Variants in DEXI observed in about 807,000 individuals in gnomAD.
DEXI encodes the protein dexamethasone-induced protein.
In DEXI, 2 loss-of-function variants were observed where a neutral mutation model predicts 2.5. The ratio of observed to expected loss-of-function variants is 0.81; its 90% CI spans 0.33 to 2.55. The LOEUF is 2.55. Among genes scored for constraint, DEXI ranks in the 30% most tolerant of loss-of-function variants. DEXI has a pLI of 0.11. For synonymous variants in DEXI, 71 were observed against 68.7 expected (o/e 1.03, Z -0.17); for missense variants, 108 against 130.3 (o/e 0.83, Z 0.83).
intron 1 of DEXI, chr16:10,935,894 G>C (rs750725662): frequency 6.6e-6 from 1 of 152,134 alleles, no homozygotes; most frequent in Non-Finnish European, 1.5e-5. Flanking sequence ...GATCCAGACT[G>C]AAGAAGGCTC....
chr16:10,941,742 G>A lies in DEXI; in HGVS notation c.264C>T (p.Asp88=), dbSNP rs775119065. 1.6e-5 allele frequency: 25 copies of A among 1,611,566 alleles called. No individual in the cohort carries two copies. Among genetic ancestry groups the A allele is most frequent in the Non-Finnish European group, 2.0e-5 (24 of 1,178,754 alleles). Residue 88 remains aspartate (D), a synonymous_variant, in exon 1 of 2, where the codon GAC becomes GAT. Coordinates refer to ENST00000331808, the MANE Select transcript of DEXI (RefSeq NM_014015.4). This position sits in a 1 kb window ranked among gnomAD's most constrained non-coding sequence, Gnocchi z 6.4. ...SGLYDADSEL[D]VFDAYLE ...CCTACTCCAAGTACGCATCAAAGAC[G>A]TCGAGCTCCGAGTCAGCATCGTAAA...
intron 1 of DEXI, chr16:10,936,573 T>C (rs1336797060): frequency 6.6e-6 from 1 of 152,268 alleles, no homozygotes; most frequent in Non-Finnish European, 1.5e-5. Context: ...GCAACTTTTC[T>C]GTAAGTGTGA....
At chr16:10,930,555 G>A (rs183784128) in intron 1 of DEXI, 127 of 152,354 alleles carry the variant, frequency 8.3e-4, no homozygotes, top group African/African-American at 3.0e-3. Context: ...AATAGGATAA[G>A]AAATTGAGGT....
chr16:10,929,292 G>C lies in DEXI; in HGVS notation c.*417C>G, dbSNP rs2040671708. ...CCTCTCCGAAGGTGAAGTGGGGGAA[G>C]CAGGTGCGCTCCGGGATGAAGTGCA... is the stretch of plus-strand genomic sequence containing the variant. On this transcript the variant is annotated 3_prime_UTR_variant, in exon 2 of 2. Transcript: ENST00000331808. The surrounding 1 kb of genome is among the most constrained non-coding windows in gnomAD (Gnocchi z 4.3). The C allele has an allele frequency of 2.0e-6, 2 of 985,860 alleles. No homozygotes were observed. Among genetic ancestry groups the C allele is most frequent in the South Asian group, 4.7e-5 (1 of 21,296 alleles). The allele number at this position is 985,860 out of a possible 1,614,324, so 61.1% of individuals were successfully genotyped here. A position where few individuals can be genotyped will look rare whatever the true frequency, so the allele number is the denominator to read the frequency against.
rs1395041642 is a variant in DEXI at position 10,938,714 on chromosome 16, G to C, written c.*149+2855C>G. On this transcript the variant is annotated intron_variant, in intron 1 of 1. Coordinates refer to ENST00000331808, the MANE Select transcript of DEXI (RefSeq NM_014015.4). The surrounding 1 kb of genome is among the most constrained non-coding windows in gnomAD (Gnocchi z 4.9). Reference sequence around the variant, plus strand: ...GGCTTGGATTTGAGGGTGGGGAGGAGGGAAGGCTGTGCATGGCTTCCACCA... The same window carrying C: ...GGCTTGGATTTGAGGGTGGGGAGGACGGAAGGCTGTGCATGGCTTCCACCA... 1.3e-5 allele frequency: 2 copies of C among 152,234 alleles called. No homozygotes were observed. Among genetic ancestry groups the C allele is most frequent in the Admixed American group, 6.5e-5 (1 of 15,284 alleles). 9.4% of individuals were successfully genotyped at this position (152,234 alleles called of 1,614,324 possible).
intron 1 of DEXI, chr16:10,932,274 T>C (rs540198723): frequency 1.3e-5 from 2 of 152,356 alleles, no homozygotes; most frequent in South Asian, 2.1e-4. Flanking sequence ...ATGAAAATCG[T>C]GACAACACTT....
At position 10,941,778 on chromosome 16, in the gene DEXI, G is replaced by A; in HGVS notation, c.228C>T (p.Pro76=). 2 of 1,613,706 alleles carry A rather than the reference G, an allele frequency of 1.2e-6. No individual in the cohort carries two copies. Among genetic ancestry groups the A allele is most frequent in the Non-Finnish European group, 1.7e-6 (2 of 1,179,824 alleles). ...ALVDLGVLSD[P]GSGLYDADSE... Reference sequence around the variant, plus strand: ...AGTCAGCATCGTAAAGGCCCGAGCCGGGGTCGGAGAGCACGCCGAGGTCCA... The same window carrying A: ...AGTCAGCATCGTAAAGGCCCGAGCCAGGGTCGGAGAGCACGCCGAGGTCCA... The change falls in exon 1 of 2, where the codon CCC becomes CCT. Residue 76 remains proline, a synonymous_variant. Coordinates refer to ENST00000331808, the MANE Select transcript of DEXI (RefSeq NM_014015.4). This position sits in a 1 kb window ranked among gnomAD's most constrained non-coding sequence, Gnocchi z 6.4.
At position 10,942,244 on chromosome 16, in the gene DEXI, G is replaced by A. The variant is rs2041112090; in HGVS notation, c.-239C>T. 2.7e-6 allele frequency: 1 copy of A among 368,526 alleles called. No individual in the cohort carries two copies. The highest frequency in any genetic ancestry group is 4.9e-6 in the Non-Finnish European group (1 of 205,666). 22.8% of individuals were successfully genotyped at this position (368,526 alleles called of 1,614,324 possible). A position where few individuals can be genotyped will look rare whatever the true frequency, so the allele number is the denominator to read the frequency against. ...TCTCGACCGCCCGGGCGGCGAGGCG[G>A]GCCCCCCTGAAGTGGCCCGCGGCTG... On this transcript the variant is annotated 5_prime_UTR_variant, in exon 1 of 2. Transcript: ENST00000331808. The surrounding 1 kb of genome is among the most constrained non-coding windows in gnomAD (Gnocchi z 5.0).
Position 10,940,177 on chromosome 16 carries a change from A to G in DEXI, c.*149+1392T>C, listed in dbSNP as rs1322581815. On this transcript the variant is annotated intron_variant, in intron 1 of 1. Coordinates refer to ENST00000331808, the MANE Select transcript of DEXI (RefSeq NM_014015.4). This position sits in a 1 kb window ranked among gnomAD's most constrained non-coding sequence, Gnocchi z 4.2. ...TGTACCACCATCTGCAACAGACTCAATGTTTGTGTCTCCTCAAACTTCATA... is the reference window on the plus strand; with the variant it reads ...TGTACCACCATCTGCAACAGACTCAGTGTTTGTGTCTCCTCAAACTTCATA... 1.3e-5 allele frequency: 2 copies of G among 152,238 alleles called. No homozygotes were observed. The highest frequency in any genetic ancestry group is 2.9e-5 in the Non-Finnish European group (2 of 68,056). 9.4% of individuals were successfully genotyped at this position (152,238 alleles called of 1,614,324 possible).
Position 10,942,366 on chromosome 16 carries a change from C to G in DEXI, c.-361G>C, listed in dbSNP as rs972671425. ...CAGTGTCTAGGGCCGGTCCCGGCAG[C>G]CTTCTCTCCCGCCCCGCCCCGCAGG... On this transcript the variant is annotated 5_prime_UTR_variant, in exon 1 of 2. Coordinates refer to ENST00000331808, the MANE Select transcript of DEXI (RefSeq NM_014015.4). This position sits in a 1 kb window ranked among gnomAD's most constrained non-coding sequence, Gnocchi z 5.0. 8.1e-5 allele frequency: 15 copies of G among 184,952 alleles called. No homozygotes were observed. Among genetic ancestry groups the G allele is most frequent in the Non-Finnish European group, 1.7e-4 (15 of 88,614 alleles). The allele number at this position is 184,952 out of a possible 1,614,324, so 11.5% of individuals were successfully genotyped here.
chr16:10,942,262 C>G lies in DEXI; in HGVS notation c.-257G>C, dbSNP rs1000438505. The G allele has an allele frequency of 1.2e-5, 4 of 343,042 alleles. No individual in the cohort carries two copies. 21.2% of individuals were successfully genotyped at this position (343,042 alleles called of 1,614,324 possible). A position where few individuals can be genotyped will look rare whatever the true frequency, so the allele number is the denominator to read the frequency against. ...CGAGGCGGGCCCCCCTGAAGTGGCC[C>G]GCGGCTGCCCGGCTCCCTCGTGGCG... On this transcript the variant is annotated 5_prime_UTR_variant, in exon 1 of 2. Coordinates refer to ENST00000331808, the MANE Select transcript of DEXI (RefSeq NM_014015.4). The surrounding 1 kb of genome is among the most constrained non-coding windows in gnomAD (Gnocchi z 5.0).
chr16:10,935,980 C>A (rs1433018046), intron 1 of DEXI: 1 of 141,080 alleles, frequency 7.1e-6, no homozygotes, highest in African/African-American at 2.5e-5. Context: ...AGGGACACTA[C>A]TGGGACAATT....
In DEXI at chr16:10,937,360, G is replaced by A. The variant is rs542780949; in HGVS notation, c.*149+4209C>T. 9.4e-4 allele frequency: 144 copies of A among 152,456 alleles called. No homozygotes were observed. The highest frequency in any genetic ancestry group is 3.1e-3 in the African/African-American group (127 of 41,570). The allele number at this position is 152,456 out of a possible 1,614,324, so 9.4% of individuals were successfully genotyped here. On this transcript the variant is annotated intron_variant, in intron 1 of 1. Coordinates refer to ENST00000331808, the MANE Select transcript of DEXI (RefSeq NM_014015.4). The surrounding 1 kb of genome is among the most constrained non-coding windows in gnomAD (Gnocchi z 4.2). ...AAATCTGACTGTGTCCCTGTGGAAG[G>A]TTTGGGTTTCTGACCTGGGCAGCTC...
chr16:10,929,596 A>T lies in DEXI; in HGVS notation c.*150-37T>A. 1.0e-6 allele frequency: 1 copy of T among 984,184 alleles called. No homozygotes were observed. The highest frequency in any genetic ancestry group is 1.2e-6 in the Non-Finnish European group (1 of 828,848). The allele number at this position is 984,184 out of a possible 1,614,324, so 61.0% of individuals were successfully genotyped here. A position where few individuals can be genotyped will look rare whatever the true frequency, so the allele number is the denominator to read the frequency against. ...GAAAAAGGGGGGTTATTAGCACGGA[A>T]GCCCCACCCTGCCACCAGGTTGGCT... On this transcript the variant is annotated intron_variant, in intron 1 of 1. Coordinates refer to ENST00000331808, the MANE Select transcript of DEXI (RefSeq NM_014015.4). This position sits in a 1 kb window ranked among gnomAD's most constrained non-coding sequence, Gnocchi z 4.3.
At position 10,929,247 on chromosome 16, in the gene DEXI, G is replaced by A. The variant is rs977268740; in HGVS notation, c.*462C>T. 6 of 985,818 alleles carry A rather than the reference G, an allele frequency of 6.1e-6. No homozygotes were observed. Among genetic ancestry groups the A allele is most frequent in the Non-Finnish European group, 7.2e-6 (6 of 829,970 alleles). The allele number at this position is 985,818 out of a possible 1,614,324, so 61.1% of individuals were successfully genotyped here. On this transcript the variant is annotated 3_prime_UTR_variant, in exon 2 of 2. Transcript: ENST00000331808. This position sits in a 1 kb window ranked among gnomAD's most constrained non-coding sequence, Gnocchi z 4.3. ...ACGGAGCTGGGAGTCGCTTTTGCGTGTGTCCGCAGTTTGAAGTGTCCTCTC... is the reference window on the plus strand; with the variant it reads ...ACGGAGCTGGGAGTCGCTTTTGCGTATGTCCGCAGTTTGAAGTGTCCTCTC...
intron 1 of DEXI, chr16:10,935,499 TG>T (rs1211991510): frequency 3.3e-5 from 5 of 152,394 alleles, no homozygotes; most frequent in African/African-American, 1.2e-4. Flanking sequence ...TTCTCTTTAG[TG>T]ACAGACATTT....
chr16:10,940,488 C>T lies in DEXI; in HGVS notation c.*149+1081G>A, dbSNP rs754532970. 6.6e-6 allele frequency: 1 copy of T among 152,258 alleles called. No individual in the cohort carries two copies. Among genetic ancestry groups the T allele is most frequent in the African/African-American group, 2.4e-5 (1 of 41,430 alleles). 9.4% of individuals were successfully genotyped at this position (152,258 alleles called of 1,614,324 possible). On this transcript the variant is annotated intron_variant, in intron 1 of 1. Coordinates refer to ENST00000331808, the MANE Select transcript of DEXI (RefSeq NM_014015.4). The surrounding 1 kb of genome is among the most constrained non-coding windows in gnomAD (Gnocchi z 4.2). Reference sequence around the variant, plus strand: ...CCATTTTCCTAAAGGAGCCCTTGCCCACCATATCTCAGCATCCCCTCTTCA... The same window carrying T: ...CCATTTTCCTAAAGGAGCCCTTGCCTACCATATCTCAGCATCCCCTCTTCA...
At position 10,942,043 on chromosome 16, in the gene DEXI, CG is replaced by C; in HGVS notation, c.-39del. On this transcript the variant is annotated 5_prime_UTR_variant, in exon 1 of 2. Coordinates refer to ENST00000331808, the MANE Select transcript of DEXI (RefSeq NM_014015.4). The surrounding 1 kb of genome is among the most constrained non-coding windows in gnomAD (Gnocchi z 5.0). ...AAGGGCGGCGGCCCGGCGATCCCGGCGAACTCAGCCGCTGCGGCGCCCGGGC... is the reference window on the plus strand; with the variant it reads ...AAGGGCGGCGGCCCGGCGATCCCGGCAACTCAGCCGCTGCGGCGCCCGGGC... 10 of 1,350,078 alleles carry C rather than the reference CG, an allele frequency of 7.4e-6. No individual in the cohort carries two copies. The highest frequency in any genetic ancestry group is 9.5e-6 in the Non-Finnish European group (10 of 1,054,228). The allele number at this position is 1,350,078 out of a possible 1,614,324, so 83.6% of individuals were successfully genotyped here.
intron 1 of DEXI, chr16:10,935,636 C>T (rs1273948746): frequency 6.6e-6 from 1 of 152,186 alleles, no homozygotes; most frequent in East Asian, 1.9e-4. Flanking sequence ...ACCTGGCAGA[C>T]ACCACCTTCA....
Sources: allele counts gnomAD v4.1 joint callset, GRCh38; gene constraint gnomAD v4.1.1; non-coding constraint Gnocchi (gnomAD v3.1); transcripts MANE v1.5; gene names NCBI Gene and HGNC (gene_info 2026-07-23, HGNC 2026-07-21).